Variants in HDAC4 observed in about 807,000 individuals in gnomAD.
HDAC4 encodes histone deacetylase A.
HDAC4 carries 16 observed loss-of-function variants against 135.1 expected under a neutral mutation model. The ratio of observed to expected loss-of-function variants is 0.12; its 90% CI spans 0.08 to 0.18. The LOEUF (loss-of-function observed/expected upper bound fraction) is 0.18. Ranked by LOEUF, HDAC4 falls within the 10% of genes least tolerant of loss-of-function variation. HDAC4 has a pLI of 1.00. For missense variants in HDAC4, 1,143 were observed against 1,511.8 expected (o/e 0.76, Z 4.05); for synonymous variants, 685 against 653.4 (o/e 1.05, Z -0.74).
chr2:239,383,372 C>G (rs1011863649), intron 1 of HDAC4, among the ~76,000 whole-genome samples: 1 of 152,162 alleles, frequency 6.6e-6, no homozygotes, highest in African/African-American at 2.4e-5. Context: ...AGTTCAGAAT[C>G]TGAAAGAAGG....
intron 15 of HDAC4, 128 bp from the exon 16 acceptor site, chr2:239,103,024 A>G: frequency 8.8e-7 from 1 of 1,137,160 alleles, no homozygotes; most frequent in Non-Finnish European, 1.3e-6. Flanking sequence ...CAAGCATGTT[A>G]TTTGGTTACT....
chr2:239,302,946 C>T (rs996315020), intron 2 of HDAC4, among the ~76,000 whole-genome samples: 2 of 152,190 alleles, frequency 1.3e-5, no homozygotes, highest in South Asian at 2.1e-4. Flanking sequence ...GGCTCAGGCC[C>T]GGAGCACCTT....
chr2:239,193,378 C>T (rs1429305602), intron 3 of HDAC4, among the ~76,000 whole-genome samples: 4 of 152,252 alleles, frequency 2.6e-5, no homozygotes, highest in East Asian at 1.9e-4. Context: ...ATGACATGCC[C>T]GCATTTCCAC....
In HDAC4 at chr2:239,308,846, T is replaced by C. The variant is rs945686301; in HGVS notation, c.22+43832A>G. 2.0e-5 allele frequency among the ~76,000 whole-genome samples: 3 copies of C among 152,152 alleles called. No individual in the cohort carries two copies. Among genetic ancestry groups the C allele is most frequent in the African/African-American group, 7.2e-5 (3 of 41,448 alleles). ...TTGCTCCCAGACCCAAGGGCAAGGC[T>C]GTCACAGGCGAAAGACGGGTTCCCC... On this transcript the variant is annotated intron_variant, in intron 2 of 26. Transcript: ENST00000543185. This position sits in a 1 kb window ranked among gnomAD's most constrained non-coding sequence, Gnocchi z 4.2.
intron 2 of HDAC4, among the ~76,000 whole-genome samples, chr2:239,256,388 T>A (rs2049052473): frequency 6.6e-6 from 1 of 152,252 alleles, no homozygotes; most frequent in Non-Finnish European, 1.5e-5. Flanking sequence ...GTGAATTCTG[T>A]CGCAGGGGAA....
chr2:239,333,047 T>A (rs1691692454), intron 2 of HDAC4, among the ~76,000 whole-genome samples: 1 of 152,152 alleles, frequency 6.6e-6, no homozygotes, highest in Non-Finnish European at 1.5e-5. Context: ...CTATATCAGT[T>A]GAGGGTGTAA....
chr2:239,154,676 G>A (rs2042314236), intron 7 of HDAC4: 1 of 152,072 alleles, frequency 6.6e-6, no homozygotes, highest in Non-Finnish European at 1.5e-5. Context: ...CCCCAGAAAG[G>A]GAACCTGGAG....
chr2:239,141,078 CAGA>C lies in HDAC4; in HGVS notation c.866-1285_866-1283del. ...AAGGTGCCATTATGACCCCGTTTCC[CAGA>C]AGAGGAGATGGAGGCATGGAGCAGC... On this transcript the variant is annotated intron_variant, in intron 8 of 26. Transcript: ENST00000543185. This position sits in a 1 kb window ranked among gnomAD's most constrained non-coding sequence, Gnocchi z 4.9. The C allele has an allele frequency of 7.1e-6, 2 of 280,170 alleles. No individual in the cohort carries two copies. The highest frequency in any genetic ancestry group is 6.0e-5 in the South Asian group (2 of 33,122). The allele number at this position is 280,170 out of a possible 1,614,324, so 17.4% of individuals were successfully genotyped here. A position where few individuals can be genotyped will look rare whatever the true frequency, so the allele number is the denominator to read the frequency against.
At chr2:239,335,521 A>AC (rs1559370171) in intron 2 of HDAC4, among the ~76,000 whole-genome samples, 1 of 151,006 alleles carries the variant, frequency 6.6e-6, no homozygotes, top group East Asian at 1.9e-4. Context: ...AAAAAAAAAA[A>AC]AAAAAAAAAC....
chr2:239,102,092 G>C (rs1300289123), intron 16 of HDAC4, among the ~76,000 whole-genome samples: 2 of 101,694 alleles, frequency 2.0e-5, no homozygotes, highest in African/African-American at 6.6e-5. Context: ...GGAAGCCCCC[G>C]GCCCGGGGTC....
intron 4 of HDAC4, among the ~76,000 whole-genome samples, chr2:239,187,596 G>A (rs1394876173): frequency 6.6e-6 from 1 of 152,210 alleles, no homozygotes; most frequent in Non-Finnish European, 1.5e-5. Flanking sequence ...GCCAGCTGCA[G>A]TTGCCCATGG....
At chr2:239,372,668 G>A (rs1575767622) in intron 1 of HDAC4, among the ~76,000 whole-genome samples, 4 of 152,224 alleles carry the variant, frequency 2.6e-5, no homozygotes, top group Non-Finnish European at 4.4e-5. Flanking sequence ...TATACACAGC[G>A]ACAGAACAGA....
In HDAC4 at chr2:239,366,887, C is replaced by CCA. The variant is rs371902239; in HGVS notation, c.-219-13971_-219-13970dup. ...ACAGCCCCAGAACCTTATGTCAGTA[C>CCA]CAGACTAAGTAAGGAAAGATCTCTT... On this transcript the variant is annotated intron_variant, in intron 1 of 26. Coordinates refer to ENST00000543185, the MANE Select transcript of HDAC4 (RefSeq NM_001378414.1). Among the ~76,000 whole-genome samples the CCA allele has an allele frequency of 2.5e-4, 37 of 149,472 alleles. 5 individuals carry two copies. The highest frequency in any genetic ancestry group is 9.3e-4 in the African/African-American group (36 of 38,842).
chr2:239,127,445 G>T (rs3791452), intron 11 of HDAC4, among the ~76,000 whole-genome samples: 103,960 of 152,032 alleles, frequency 0.68, 36,121 homozygotes, highest in East Asian at 0.79. Context: ...TTCTGCATGC[G>T]TTCATCGAGA....
chr2:239,329,907 T>C (rs1575702750), intron 2 of HDAC4, among the ~76,000 whole-genome samples: 1 of 151,502 alleles, frequency 6.6e-6, no homozygotes, highest in East Asian at 2.0e-4. Context: ...CGGCCACGGG[T>C]GTCTGTGTGA....
At chr2:239,061,430 C>A (rs941379898) in intron 24 of HDAC4, among the ~76,000 whole-genome samples, 1 of 144,368 alleles carries the variant, frequency 6.9e-6, no homozygotes, top group Non-Finnish European at 1.5e-5. Flanking sequence ...GGTGTGTGCA[C>A]GTGTGACTGG....
intron 3 of HDAC4, among the ~76,000 whole-genome samples, chr2:239,214,861 A>T (rs2046540262): frequency 6.6e-6 from 1 of 152,206 alleles, no homozygotes; most frequent in South Asian, 2.1e-4. Flanking sequence ...GGAGAGAAAT[A>T]GGAGTCAAGG....
chr2:239,353,849 C>T (rs1043542502), intron 1 of HDAC4, among the ~76,000 whole-genome samples: 5 of 152,230 alleles, frequency 3.3e-5, no homozygotes, highest in African/African-American at 1.2e-4. Flanking sequence ...TTACTGCACG[C>T]TTGCATCAGC....
chr2:239,251,268 A>G (rs58234990), intron 2 of HDAC4, among the ~76,000 whole-genome samples: 47,578 of 152,212 alleles, frequency 0.31, 8,492 homozygotes, highest in African/African-American at 0.48. Context: ...AGATGCCACC[A>G]CAGCTAGCGT....
Sources: allele counts gnomAD v4.1 joint callset (sites outside exome capture counted in the v4.1 genomes callset), GRCh38; gene constraint gnomAD v4.1.1; non-coding constraint Gnocchi (gnomAD v3.1); transcripts MANE v1.5; gene names NCBI Gene and HGNC (gene_info 2026-07-23, HGNC 2026-07-21).